TPST1: variants seen among roughly 807,000 people sequenced by gnomAD.
The protein encoded by TPST1 is protein-tyrosine sulfotransferase 1.
TPST1 carries 20 observed loss-of-function variants against 34.8 expected under a neutral mutation model. That is an observed-to-expected ratio of 0.57 (90% CI 0.40 to 0.84). The LOEUF (loss-of-function observed/expected upper bound fraction) is 0.84. Ranked by LOEUF, TPST1 falls within the 40% of genes least tolerant of loss-of-function variation. TPST1 has a pLI of 0.00. For missense variants in TPST1, 353 were observed against 455.5 expected, an observed-to-expected ratio of 0.78 and a Z score of 2.05; for synonymous variants, 152 against 159.4, an observed-to-expected ratio of 0.95 and a Z score of 0.35.
At chr7:66,204,781 C>A (rs953713565), upstream of TPST1, among the ~76,000 whole-genome samples, 3 of 152,316 alleles carry the variant, frequency 2.0e-5, no homozygotes, top group Non-Finnish European at 4.4e-5. Context: ...GACTATTGCA[C>A]GTCTACACTC....
intron 3 of TPST1, among the ~76,000 whole-genome samples, chr7:66,320,061 A>G (rs182111568): frequency 6.6e-6 from 1 of 152,034 alleles, no homozygotes; most frequent in South Asian, 2.1e-4. Flanking sequence ...TGAATCATAT[A>G]ATAGTCTTTT....
At chr7:66,315,795 C>A (rs543103519) in intron 3 of TPST1, among the ~76,000 whole-genome samples, 2 of 151,800 alleles carry the variant, frequency 1.3e-5, no homozygotes, top group African/African-American at 2.4e-5. Flanking sequence ...ATTCTAAGTT[C>A]AATCAGGCAA....
chr7:66,359,756 C>A, intron 5 of TPST1, 139 bp from the exon 6 acceptor site: 2 of 397,174 alleles, frequency 5.0e-6, no homozygotes, highest in South Asian at 1.8e-5. Flanking sequence ...CAACATCCAT[C>A]CTCCTGGCCC....
intron 3 of TPST1, among the ~76,000 whole-genome samples, chr7:66,304,829 T>TC (rs200976472): frequency 0.016 from 2,375 of 152,116 alleles, 62 homozygotes; most frequent in East Asian, 0.092. Flanking sequence ...TCCTTTTTTT[T>TC]TTTTTCTTGG....
intron 3 of TPST1, among the ~76,000 whole-genome samples, chr7:66,345,678 T>C (rs1057005744): frequency 6.6e-6 from 1 of 151,978 alleles, no homozygotes; most frequent in African/African-American, 2.4e-5. Context: ...TTTTTAATTA[T>C]GTTTTTCATT....
chr7:66,231,852 C>G (rs151032679), intron 1 of TPST1, among the ~76,000 whole-genome samples: 3 of 152,262 alleles, frequency 2.0e-5, no homozygotes, highest in Non-Finnish European at 4.4e-5. Context: ...GCAGAGGAGG[C>G]GCCCAGAGCG....
chr7:66,241,754 A>G (rs1178639121), intron 2 of TPST1, among the ~76,000 whole-genome samples: 1 of 152,246 alleles, frequency 6.6e-6, no homozygotes. Flanking sequence ...AGTGGTAGAG[A>G]AAAATAAAAG....
At chr7:66,236,404 A>G (rs1242226166) in intron 1 of TPST1, among the ~76,000 whole-genome samples, 1 of 152,176 alleles carries the variant, frequency 6.6e-6, no homozygotes, top group Non-Finnish European at 1.5e-5. Context: ...GCTCTCATAT[A>G]TATATGTATA....
intron 3 of TPST1, among the ~76,000 whole-genome samples, chr7:66,305,896 C>G (rs962135330): frequency 1.3e-5 from 2 of 152,204 alleles, no homozygotes; most frequent in Admixed American, 1.3e-4. Flanking sequence ...TGGCAGGAAG[C>G]TGCAGTATTT....
upstream of TPST1, among the ~76,000 whole-genome samples, chr7:66,203,252 G>A (rs1323589563): frequency 6.9e-6 from 1 of 145,754 alleles, no homozygotes; most frequent in East Asian, 2.0e-4. Flanking sequence ...TTTTTTTTTT[G>A]GGTGAGAGGC....
intron 1 of TPST1, among the ~76,000 whole-genome samples, chr7:66,236,726 A>G (rs757276924): frequency 2.6e-5 from 4 of 152,204 alleles, no homozygotes; most frequent in Non-Finnish European, 4.4e-5. Context: ...AAATTAACTG[A>G]TACCTGTCTT....
At position 66,345,040 on chromosome 7, in the gene TPST1, A is replaced by T. The variant is rs115310768; in HGVS notation, c.1045-7465A>T. Among the ~76,000 whole-genome samples, 1,175 of 151,758 alleles carry T rather than the reference A, an allele frequency of 7.7e-3. 18 individuals carry two copies. Among genetic ancestry groups the T allele is most frequent in the African/African-American group, 0.027 (1,100 of 41,402 alleles). ...CGCCTGGCCAATTTTTTAAAAAATT[A>T]AAAAAAATATGTGTATGTAAAATTG... On this transcript the variant is annotated intron_variant, in intron 3 of 5. Transcript: ENST00000304842.
At chr7:66,234,472 A>G (rs1789869631) in intron 1 of TPST1, among the ~76,000 whole-genome samples, 1 of 146,988 alleles carries the variant, frequency 6.8e-6, no homozygotes, top group Non-Finnish European at 1.5e-5. Flanking sequence ...CAAGCATTTA[A>G]TGTTTCAGTG....
At chr7:66,322,867 TGGTGCACAAAGGTTCC>T (rs1791784981) in intron 3 of TPST1, among the ~76,000 whole-genome samples, 1 of 26,574 alleles carries the variant, frequency 3.8e-5, no homozygotes, top group Non-Finnish European at 8.3e-5. Flanking sequence ...AAGGTTCCAG[TGGTGCACAAAGGTTCC>T]AGTTTTCCAC....
chr7:66,352,483 C>G, intron 3 of TPST1, 22 bp from the exon 4 acceptor site: 1 of 1,609,268 alleles, frequency 6.2e-7, no homozygotes, highest in Non-Finnish European at 8.5e-7. Context: ...GCCTTAAACT[C>G]ACGCCTGCTT....
chr7:66,264,800 T>C (rs1790558724), intron 2 of TPST1, among the ~76,000 whole-genome samples: 1 of 152,138 alleles, frequency 6.6e-6, no homozygotes, highest in African/African-American at 2.4e-5. Context: ...GAATAGAAAT[T>C]GTCCCTGAGG....
chr7:66,280,364 T>C (rs538991874), intron 2 of TPST1, among the ~76,000 whole-genome samples: 1 of 152,334 alleles, frequency 6.6e-6, no homozygotes, highest in African/African-American at 2.4e-5. Flanking sequence ...CTGACACACA[T>C]GGTTCAAGTT....
chr7:66,284,719 G>C (rs1791000842), intron 2 of TPST1, among the ~76,000 whole-genome samples: 1 of 151,796 alleles, frequency 6.6e-6, no homozygotes, highest in Non-Finnish European at 1.5e-5. Context: ...ACCACACCTG[G>C]CTAATTTTTG....
At chr7:66,226,286 A>G (rs1789655374) in intron 1 of TPST1, among the ~76,000 whole-genome samples, 1 of 152,156 alleles carries the variant, frequency 6.6e-6, no homozygotes. Flanking sequence ...TCTGGGCTTC[A>G]GGCATTCAAC....
Sources: allele counts gnomAD v4.1 joint callset (sites outside exome capture counted in the v4.1 genomes callset), GRCh38; gene constraint gnomAD v4.1.1; transcripts MANE v1.5; gene names NCBI Gene and HGNC (gene_info 2026-07-23, HGNC 2026-07-21).